Variants in PCDHGB7 observed in about 807,000 individuals in gnomAD.
The protein encoded by PCDHGB7 is protocadherin gamma subfamily B, 7.
PCDHGB7 carries 37 observed loss-of-function variants against 61.4 expected under a neutral mutation model. That is an observed-to-expected ratio of 0.60 (90% CI 0.46 to 0.79). The LOEUF (loss-of-function observed/expected upper bound fraction) is 0.79. Among genes scored for constraint, PCDHGB7 ranks in the 30% least tolerant of loss-of-function variants. PCDHGB7 has a pLI of 0.00. For missense variants in PCDHGB7, 1,166 were observed against 1,202.5 expected (o/e 0.97, Z 0.45); for synonymous variants, 464 against 503.5 (o/e 0.92, Z 1.05).
At chr5:141,482,755 T>TGAAGTGGGAG (rs1554165462) in intron 1 of PCDHGB7, among the ~76,000 whole-genome samples, 1 of 143,580 alleles carries the variant, frequency 7.0e-6, no homozygotes, top group South Asian at 2.1e-4. Context: ...GGGATTATGG[T>TGAAGTGGGAG]ATTTCATTAT....
chr5:141,423,273 G>C, intron 1 of PCDHGB7: 2 of 1,613,896 alleles, frequency 1.2e-6, no homozygotes, highest in Non-Finnish European at 1.7e-6. Flanking sequence ...TCGAGTCTCT[G>C]GCTAACTCTG....
intron 1 of PCDHGB7, chr5:141,468,401 C>G (rs943048252): frequency 6.7e-6 from 1 of 149,126 alleles, no homozygotes; most frequent in Non-Finnish European, 1.5e-5. Flanking sequence ...TTGGTGAGAA[C>G]TAATAATAAG....
intron 1 of PCDHGB7, among the ~76,000 whole-genome samples, chr5:141,474,130 C>G (rs28684928): frequency 6.6e-6 from 1 of 152,160 alleles, no homozygotes; most frequent in Non-Finnish European, 1.5e-5. Context: ...TCTCAGAAAA[C>G]TACAGGCCTT....
In PCDHGB7 at chr5:141,432,571, G is replaced by C; in HGVS notation, c.2415+12297G>C. On this transcript the variant is annotated intron_variant, in intron 1 of 3. Transcript: ENST00000398594. The surrounding 1 kb of genome is among the most constrained non-coding windows in gnomAD (Gnocchi z 6.0). ...GAGACTCCGGCCAGAACGCCTGGCT[G>C]TCCTACCGTCTGCTCAAGGCCAGCG... The C allele has an allele frequency of 6.2e-7, 1 of 1,613,954 alleles. No individual in the cohort carries two copies. The highest frequency in any genetic ancestry group is 8.5e-7 in the Non-Finnish European group (1 of 1,179,992).
chr5:141,441,993 G>T (rs577673608), intron 1 of PCDHGB7: 16 of 251,180 alleles, frequency 6.4e-5, no homozygotes, highest in East Asian at 3.9e-4. Flanking sequence ...CACCGACGAG[G>T]TGCTGACAGC....
Position 141,419,465 on chromosome 5 carries a change from G to T in PCDHGB7, c.1606G>T (p.Asp536Tyr). ...RTFELTLQAR[D>Y]QGSPALSANV... The stretch of plus-strand genomic sequence containing the variant: ...CTTCGAGCTCACGCTGCAGGCCCGC[G>T]ACCAGGGCTCGCCCGCGCTCAGCGC... The change falls in exon 1 of 4, where the codon GAC becomes TAC. Residue 536 changes from aspartate to tyrosine, a missense_variant. By Grantham distance (160) the Asp-to-Tyr change is radical. Coordinates refer to ENST00000398594, the MANE Select transcript of PCDHGB7 (RefSeq NM_018927.4). The T allele has an allele frequency of 1.2e-6, 2 of 1,612,542 alleles. No homozygotes were observed. Among genetic ancestry groups the T allele is most frequent in the Non-Finnish European group, 1.7e-6 (2 of 1,179,548 alleles).
intron 1 of PCDHGB7, chr5:141,427,212 C>T (rs2097000434): frequency 4.4e-6 from 2 of 456,702 alleles, no homozygotes; most frequent in Non-Finnish European, 8.8e-6. Flanking sequence ...CTTCGAATTT[C>T]GTAGCAGTTA....
rs1019219811 is a variant in PCDHGB7, at chr5:141,420,399, T to G, written c.2415+125T>G. ...AGAGTTCGCAAAATATAGGTCAAAT[T>G]TATGGTTATCATTATTAAAACAAAA... On this transcript the variant is annotated intron_variant, in intron 1 of 3. Transcript: ENST00000398594. 5.6e-6 allele frequency: 7 copies of G among 1,257,080 alleles called. No individual in the cohort carries two copies. In the Admixed American group the frequency reaches 1.8e-4, roughly 32 times the overall value. 77.9% of individuals were successfully genotyped at this position (1,257,080 alleles called of 1,614,324 possible).
At position 141,420,256 on chromosome 5, in the gene PCDHGB7, TAAG is replaced by T. The variant is rs749213635; in HGVS notation, c.2402_2404del (p.Lys801del). The T allele has an allele frequency of 7.6e-6, 12 of 1,569,010 alleles. No individual in the cohort carries two copies. Among genetic ancestry groups the T allele is most frequent in the South Asian group, 1.2e-5 (1 of 85,066 alleles). On this transcript the variant is annotated inframe_deletion, in exon 1 of 4. Coordinates refer to ENST00000398594, the MANE Select transcript of PCDHGB7 (RefSeq NM_018927.4). ...TTTTAACTCCCAGCGTTGAAGCAGA[TAAG>T]AAGATTCTTAAACAGGTAAGTATTT...
rs750814136 is a variant in PCDHGB7 at position 141,420,099 on chromosome 5, C to T, written c.2240C>T (p.Thr747Met). Residue 747 changes from threonine to methionine, a missense_variant, in exon 1 of 4, where the codon ACG becomes ATG. Transcript: ENST00000398594. ...GGTCCCCCCAACTACAGTGAGGGAACGTTGCCCTATGCCTATAATTTTTGT... is the reference window on the plus strand; with the variant it reads ...GGTCCCCCCAACTACAGTGAGGGAATGTTGCCCTATGCCTATAATTTTTGT... ...PVGPPNYSEG[T>M]LPYAYNFCVP... 4 of 1,613,996 alleles carry T rather than the reference C, an allele frequency of 2.5e-6. No homozygotes were observed. The highest frequency in any genetic ancestry group is 2.2e-5 in the South Asian group (2 of 91,084).
intron 1 of PCDHGB7, among the ~76,000 whole-genome samples, chr5:141,457,873 G>C (rs967389295): frequency 2.0e-5 from 3 of 152,200 alleles, no homozygotes; most frequent in Non-Finnish European, 4.4e-5. Context: ...CCACAGGTTA[G>C]GAACCCTGTG....
At chr5:141,467,767 C>T (rs72790060) in intron 1 of PCDHGB7, among the ~76,000 whole-genome samples, 25,555 of 151,632 alleles carry the variant, frequency 0.17, 2,195 homozygotes, top group South Asian at 0.22. Context: ...GCTCAAGTGC[C>T]CGCACCTCAG....
chr5:141,420,918 C>T (rs2096532512), intron 1 of PCDHGB7: 1 of 331,946 alleles, frequency 3.0e-6, no homozygotes, highest in South Asian at 6.4e-5. Flanking sequence ...GTGTGATTCA[C>T]AAAGGTGAGC....
At chr5:141,469,543 C>G (rs1031152008) in intron 1 of PCDHGB7, among the ~76,000 whole-genome samples, 4 of 152,040 alleles carry the variant, frequency 2.6e-5, no homozygotes, top group Non-Finnish European at 4.4e-5. Flanking sequence ...CCACTGCACT[C>G]CAGCCTGGCG....
chr5:141,428,120 C>G (rs756805763), intron 1 of PCDHGB7: 2 of 1,606,528 alleles, frequency 1.2e-6, no homozygotes, highest in South Asian at 1.1e-5. Context: ...CCATCGAGCC[C>G]GGGCTTTTCA....
chr5:141,487,884 A>G lies in PCDHGB7; in HGVS notation c.2416-6923A>G. 1.3e-6 allele frequency: 1 copy of G among 766,716 alleles called. No homozygotes were observed. Among genetic ancestry groups the G allele is most frequent in the Non-Finnish European group, 2.1e-6 (1 of 481,170 alleles). 47.5% of individuals were successfully genotyped at this position (766,716 alleles called of 1,614,324 possible). On this transcript the variant is annotated intron_variant, in intron 1 of 3. Transcript: ENST00000398594. The surrounding 1 kb of genome is among the most constrained non-coding windows in gnomAD (Gnocchi z 5.0). ...GTGATCAAGAGCCAGGCTGTTGTGG[A>G]AGCATGATGATGGAATGTGGGAGCA...
At position 141,431,595 on chromosome 5, in the gene PCDHGB7, A is replaced by G; in HGVS notation, c.2415+11321A>G. The G allele has an allele frequency of 6.2e-7, 1 of 1,614,218 alleles. No homozygotes were observed. The highest frequency in any genetic ancestry group is 8.5e-7 in the Non-Finnish European group (1 of 1,180,034). On this transcript the variant is annotated intron_variant, in intron 1 of 3. Transcript: ENST00000398594. The surrounding 1 kb of genome is among the most constrained non-coding windows in gnomAD (Gnocchi z 4.8). Reference sequence around the variant, plus strand: ...GAAGGAGTCAATGCGGAAGTGAGGTATTCCTTCCGGTATGTGGACGACAAG... The same window carrying G: ...GAAGGAGTCAATGCGGAAGTGAGGTGTTCCTTCCGGTATGTGGACGACAAG...
chr5:141,427,193 C>T (rs1427995075), intron 1 of PCDHGB7: 1 of 456,496 alleles, frequency 2.2e-6, no homozygotes, highest in Admixed American at 2.4e-5. Context: ...AATCCAAAGA[C>T]TTAATAGACT....
Position 141,418,261 on chromosome 5 carries a change from G to T in PCDHGB7, c.402G>T (p.Arg134=), listed in dbSNP as rs763160633. Residue 134 remains arginine, a synonymous_variant, in exon 1 of 4, where the codon CGG becomes CGT. Coordinates refer to ENST00000398594, the MANE Select transcript of PCDHGB7 (RefSeq NM_018927.4). The part of the protein sequence containing the change: ...EDVNDHAPQF[R]KDEINLEISE... ...TTAATGACCACGCCCCTCAATTCCGGAAAGATGAAATAAACTTAGAAATCA... is the reference window on the plus strand; with the variant it reads ...TTAATGACCACGCCCCTCAATTCCGTAAAGATGAAATAAACTTAGAAATCA... 3 of 1,613,938 alleles carry T rather than the reference G, an allele frequency of 1.9e-6. No individual in the cohort carries two copies. The highest frequency in any genetic ancestry group is 2.5e-6 in the Non-Finnish European group (3 of 1,179,902).
Sources: allele counts gnomAD v4.1 joint callset (sites outside exome capture counted in the v4.1 genomes callset), GRCh38; gene constraint gnomAD v4.1.1; non-coding constraint Gnocchi (gnomAD v3.1); transcripts MANE v1.5; gene names NCBI Gene and HGNC (gene_info 2026-07-23, HGNC 2026-07-21).